The following NECAB1 variants were observed in gnomAD, a reference collection of about 807,000 sequenced individuals.
NECAB1 encodes N-terminal EF-hand calcium-binding protein 1.
In NECAB1, 29 loss-of-function variants were observed where a neutral mutation model predicts 57.5. That is an observed-to-expected ratio of 0.50 (90% CI 0.38 to 0.69). The LOEUF (loss-of-function observed/expected upper bound fraction) is 0.69. Ranked by LOEUF, NECAB1 falls within the 30% of genes least tolerant of loss-of-function variation. The pLI is 0.00. For synonymous variants in NECAB1, 142 were observed against 147.7 expected (o/e 0.96, Z 0.28); for missense variants, 372 against 413.8 (o/e 0.90, Z 0.88).
At position 90,957,895 on chromosome 8, in the gene NECAB1, G is replaced by A. The variant is rs1426790444; in HGVS notation, c.*2383G>A. The stretch of plus-strand genomic sequence containing the variant: ...TCACTAAAAGACCAAGATGGGAAAC[G>A]TAACATGGAATACAAGCTTGAATCT... On this transcript the variant is annotated 3_prime_UTR_variant, in exon 13 of 13. Coordinates refer to ENST00000417640, the MANE Select transcript of NECAB1 (RefSeq NM_022351.5). 2.7e-5 allele frequency: 4 copies of A among 150,428 alleles called. No individual in the cohort carries two copies. Among genetic ancestry groups the A allele is most frequent in the African/African-American group, 4.9e-5 (2 of 41,150 alleles). The allele number at this position is 150,428 out of a possible 1,614,324, so 9.3% of individuals were successfully genotyped here.
intron 3 of NECAB1, among the ~76,000 whole-genome samples, chr8:90,859,947 C>T (rs1812866294): frequency 6.6e-6 from 1 of 152,040 alleles, no homozygotes; most frequent in Non-Finnish European, 1.5e-5. Context: ...AATATTCTCT[C>T]CTGAAGCCAA....
At chr8:90,947,106 T>C (rs1810820431) in intron 10 of NECAB1, among the ~76,000 whole-genome samples, 1 of 152,154 alleles carries the variant, frequency 6.6e-6, no homozygotes, top group Non-Finnish European at 1.5e-5. Flanking sequence ...ATACTTATAT[T>C]ATTAGCTTGC....
At position 90,807,444 on chromosome 8, in the gene NECAB1, G is replaced by C. The variant is rs187050974; in HGVS notation, c.124+5729G>C. On this transcript the variant is annotated intron_variant, in intron 2 of 12. Transcript: ENST00000417640. ...GTACGTATGAGTATTTCCAATAAAGGCTGGGTCATCACCTAGCAACACTTC... is the reference window on the plus strand; with the variant it reads ...GTACGTATGAGTATTTCCAATAAAGCCTGGGTCATCACCTAGCAACACTTC... Among the ~76,000 whole-genome samples the C allele has an allele frequency of 1.4e-4, 21 of 152,218 alleles. No individual in the cohort carries two copies. In the East Asian group the frequency reaches 3.7e-3, roughly 27 times the overall value.
chr8:90,959,030 C>A lies in NECAB1; in HGVS notation c.*3518C>A. ...TGCTACTTAAAACTTTGGTTGTTTT[C>A]CTGTAATATAAAAGAAAAAGTTAAT... is the stretch of plus-strand genomic sequence containing the variant. On this transcript the variant is annotated 3_prime_UTR_variant, in exon 13 of 13. Coordinates refer to ENST00000417640, the MANE Select transcript of NECAB1 (RefSeq NM_022351.5). The A allele has an allele frequency of 7.4e-7, 1 of 1,357,156 alleles. No homozygotes were observed. The highest frequency in any genetic ancestry group is 1.4e-5 in the South Asian group (1 of 72,456). The allele number at this position is 1,357,156 out of a possible 1,614,324, so 84.1% of individuals were successfully genotyped here.
intron 2 of NECAB1, among the ~76,000 whole-genome samples, chr8:90,822,020 C>T (rs1321516588): frequency 6.6e-6 from 1 of 151,736 alleles, no homozygotes; most frequent in African/African-American, 2.4e-5. Flanking sequence ...CAGAGGAGGG[C>T]CAACTATTTT....
chr8:90,805,026 G>C (rs1811824897), intron 2 of NECAB1, among the ~76,000 whole-genome samples: 1 of 152,168 alleles, frequency 6.6e-6, no homozygotes, highest in Non-Finnish European at 1.5e-5. Context: ...TTTTTCTTCT[G>C]TGATGACTTG....
At chr8:90,939,516 G>A (rs1380402580) in intron 9 of NECAB1, among the ~76,000 whole-genome samples, 1 of 152,164 alleles carries the variant, frequency 6.6e-6, no homozygotes, top group Non-Finnish European at 1.5e-5. Context: ...CGTAAGAATT[G>A]CCTTTAGACG....
rs1003873043 is a variant in NECAB1 at position 90,823,187 on chromosome 8, G to A, written c.125-1530G>A. 2.6e-5 allele frequency among the ~76,000 whole-genome samples: 4 copies of A among 151,852 alleles called. No homozygotes were observed. In the South Asian group the frequency reaches 6.2e-4, roughly 24 times the overall value. ...TCGCTAAGCTGGCTTGGCCCAGGAG[G>A]ACCCAGAAGATCGGGTCCCTAGATC... is the stretch of plus-strand genomic sequence containing the variant. On this transcript the variant is annotated intron_variant, in intron 2 of 12. Coordinates refer to ENST00000417640, the MANE Select transcript of NECAB1 (RefSeq NM_022351.5).
chr8:90,915,994 G>T (rs978458521), intron 5 of NECAB1, among the ~76,000 whole-genome samples: 1 of 152,178 alleles, frequency 6.6e-6, no homozygotes, highest in Admixed American at 6.5e-5. Flanking sequence ...CACCCAGATT[G>T]AGGGTGGGTC....
At chr8:90,899,075 G>A (rs1809433376) in intron 5 of NECAB1, among the ~76,000 whole-genome samples, 1 of 152,212 alleles carries the variant, frequency 6.6e-6, no homozygotes, top group African/African-American at 2.4e-5. Flanking sequence ...AGTTGGGCTG[G>A]CAGAGAGCCT....
At chr8:90,856,000 G>C (rs999092274) in intron 3 of NECAB1, among the ~76,000 whole-genome samples, 1 of 152,052 alleles carries the variant, frequency 6.6e-6, no homozygotes, top group East Asian at 1.9e-4. Flanking sequence ...TAGGGAGTCC[G>C]GGGGGTAAGA....
intron 1 of NECAB1, among the ~76,000 whole-genome samples, chr8:90,798,133 C>T (rs1028884929): frequency 6.6e-6 from 1 of 152,164 alleles, no homozygotes; most frequent in Non-Finnish European, 1.5e-5. Context: ...TGCACCACGC[C>T]AATACCTGAC....
At chr8:90,935,587 T>G (rs919571145) in intron 9 of NECAB1, among the ~76,000 whole-genome samples, 2 of 152,164 alleles carry the variant, frequency 1.3e-5, no homozygotes, top group African/African-American at 4.8e-5. Flanking sequence ...TGATCATGCA[T>G]CTGTTATCTT....
chr8:90,949,449 T>C (rs1222951186), intron 10 of NECAB1, among the ~76,000 whole-genome samples: 3 of 152,176 alleles, frequency 2.0e-5, no homozygotes, highest in African/African-American at 2.4e-5. Flanking sequence ...GCAGGTAGCA[T>C]GCACTCACAT....
intron 5 of NECAB1, among the ~76,000 whole-genome samples, chr8:90,905,338 T>C (rs945581190): frequency 3.9e-5 from 6 of 152,194 alleles, no homozygotes; most frequent in African/African-American, 1.4e-4. Flanking sequence ...ATGTGCAGTG[T>C]TGGGCAATTG....
chr8:90,933,533 G>C (rs904161563), intron 8 of NECAB1, among the ~76,000 whole-genome samples: 11 of 152,112 alleles, frequency 7.2e-5, no homozygotes, highest in African/African-American at 2.7e-4. Context: ...CTATGAGGAT[G>C]CAAAGGCATA....
At chr8:90,837,471 GA>G (rs1484688487) in intron 3 of NECAB1, among the ~76,000 whole-genome samples, 1 of 152,202 alleles carries the variant, frequency 6.6e-6, no homozygotes, top group East Asian at 1.9e-4. Flanking sequence ...TTAGAACAGT[GA>G]GCAATTTAAA....
intron 4 of NECAB1, among the ~76,000 whole-genome samples, chr8:90,878,872 A>C: frequency 6.6e-6 from 1 of 150,988 alleles, no homozygotes; most frequent in South Asian, 2.1e-4. Flanking sequence ...CCAAATGTCC[A>C]TGAATGAAAT....
At chr8:90,797,594 C>T (rs1209171166) in intron 1 of NECAB1, among the ~76,000 whole-genome samples, 2 of 152,162 alleles carry the variant, frequency 1.3e-5, no homozygotes, top group South Asian at 2.1e-4. Flanking sequence ...TCCTCAAGGG[C>T]CCCTTCCAAG....
Sources: gnomAD v4.1 joint callset for allele counts (sites outside exome capture counted in the v4.1 genomes callset) on GRCh38, gnomAD v4.1.1 for gene constraint, MANE v1.5 for transcripts, NCBI Gene and HGNC (gene_info 2026-07-23, HGNC 2026-07-21) for gene names.